The following HORMAD2 variants were observed in gnomAD, a reference collection of about 807,000 sequenced individuals.
The protein encoded by HORMAD2 is HORMA domain containing 2.
Under a neutral mutation model 38.8 loss-of-function variants are expected in HORMAD2, and 45 were observed. That is an observed-to-expected ratio of 1.16 (90% CI 0.91 to 1.49). The LOEUF is 1.49. Ranked by LOEUF, HORMAD2 falls within the 40% of genes most tolerant of loss-of-function variation. The probability of loss-of-function intolerance (pLI) is 0.00; values close to 1 mark genes in which losing one functional copy is unlikely to be tolerated. For missense variants in HORMAD2, 338 were observed against 367.0 expected (o/e 0.92, Z 0.65); for synonymous variants, 126 against 122.8 (o/e 1.03, Z -0.17).
At chr22:30,158,714 T>G (rs1925262865) in intron 10 of HORMAD2, among the ~76,000 whole-genome samples, 1 of 149,804 alleles carries the variant, frequency 6.7e-6, no homozygotes, top group Non-Finnish European at 1.5e-5. Context: ...TCCAGGGTCT[T>G]GCTCTGTCAC....
intron 10 of HORMAD2, among the ~76,000 whole-genome samples, chr22:30,158,583 C>CTCCTTCCTTCCT (rs575261621): frequency 7.3e-5 from 6 of 81,692 alleles, no homozygotes; most frequent in African/African-American, 1.7e-4. Context: ...CCTTCCCCTT[C>CTCCTTCCTTCCT]TCCTTCCTTC....
At chr22:30,165,621 T>C (rs1490808595) in intron 10 of HORMAD2, among the ~76,000 whole-genome samples, 1 of 152,092 alleles carries the variant, frequency 6.6e-6, no homozygotes, top group African/African-American at 2.4e-5. Flanking sequence ...TTATAAATAA[T>C]TTTTTTCTAT....
intron 10 of HORMAD2, among the ~76,000 whole-genome samples, chr22:30,156,596 G>A (rs1462304382): frequency 6.6e-6 from 1 of 152,220 alleles, no homozygotes; most frequent in East Asian, 1.9e-4. Flanking sequence ...TCTGATGCCT[G>A]ACGCCCTTGG....
At chr22:30,116,889 G>T (rs1252830831) in intron 7 of HORMAD2, among the ~76,000 whole-genome samples, 2 of 152,180 alleles carry the variant, frequency 1.3e-5, no homozygotes. Context: ...AATGAGCATT[G>T]TTTGCTTGGC....
At chr22:30,202,733 C>G in the HORMAD2 span, among the ~76,000 whole-genome samples, 1 of 152,220 alleles carries the variant, frequency 6.6e-6, no homozygotes, top group Non-Finnish European at 1.5e-5. Context: ...AGCCCAGGCC[C>G]TAGGTGTTTC....
chr22:30,082,532 T>C (rs2068500573), intron 1 of HORMAD2, among the ~76,000 whole-genome samples: 1 of 151,976 alleles, frequency 6.6e-6, no homozygotes, highest in East Asian at 1.9e-4. Context: ...GTCTCATATG[T>C]GTAATCCCAA....
At chr22:30,099,126 C>G in intron 3 of HORMAD2, 133 bp downstream of exon 3, 1 of 666,096 alleles carries the variant, frequency 1.5e-6, no homozygotes, top group Non-Finnish European at 2.3e-6. Flanking sequence ...ATTTGCTAAT[C>G]CATTTTCCAT....
upstream of HORMAD2, among the ~76,000 whole-genome samples, chr22:30,078,908 C>T (rs1239295548): frequency 2.0e-5 from 3 of 150,610 alleles, no homozygotes; most frequent in African/African-American, 4.9e-5. Context: ...CAGTTACTTC[C>T]GGAAAGTATA....
At chr22:30,203,994 T>A in the HORMAD2 span, among the ~76,000 whole-genome samples, 1 of 152,098 alleles carries the variant, frequency 6.6e-6, no homozygotes, top group South Asian at 2.1e-4. Flanking sequence ...CACACACACA[T>A]GTGCATCCTC....
downstream of HORMAD2, among the ~76,000 whole-genome samples, chr22:30,181,000 ACCTAC>A (rs1227922173): frequency 6.1e-5 from 6 of 98,580 alleles, no homozygotes; most frequent in Admixed American, 2.5e-4. Context: ...TCCTCCCCTA[ACCTAC>A]CCTACCCTAC....
intron 6 of HORMAD2, 132 bp from the exon 7 acceptor site, chr22:30,112,364 A>G (rs1921728065): frequency 5.0e-6 from 3 of 596,238 alleles, no homozygotes; most frequent in Admixed American, 3.7e-5. Context: ...AGCATATCCT[A>G]TCTCTAGCTT....
chr22:30,189,331 G>A, the HORMAD2 span, among the ~76,000 whole-genome samples: 1 of 152,006 alleles, frequency 6.6e-6, no homozygotes, highest in African/African-American at 2.4e-5. Context: ...CTCCTTCAAG[G>A]AAGGATCTGG....
chr22:30,147,778 T>TA (rs1882951736), intron 10 of HORMAD2, among the ~76,000 whole-genome samples: 1 of 152,184 alleles, frequency 6.6e-6, no homozygotes, highest in African/African-American at 2.4e-5. Flanking sequence ...ACTCCATTTT[T>TA]AAAAATATCA....
At position 30,176,906 on chromosome 22, in the gene HORMAD2, A is replaced by G. The variant is rs995871332; in HGVS notation, c.*739A>G. 1 of 152,764 alleles carries G rather than the reference A, an allele frequency of 6.5e-6. No homozygotes were observed. Among genetic ancestry groups the G allele is most frequent in the Non-Finnish European group, 1.5e-5 (1 of 68,036 alleles). The allele number at this position is 152,764 out of a possible 1,614,324, so 9.5% of individuals were successfully genotyped here. ...AGAATTTGGATAGACTTAATTGATG[A>G]TTAGTATGAGATGAACAATAGATGA... On this transcript the variant is annotated 3_prime_UTR_variant, in exon 11 of 11. Coordinates refer to ENST00000336726, the MANE Select transcript of HORMAD2 (RefSeq NM_152510.4).
At chr22:30,144,635 G>A (rs80050762) in intron 10 of HORMAD2, among the ~76,000 whole-genome samples, 3 of 151,884 alleles carry the variant, frequency 2.0e-5, no homozygotes, top group Non-Finnish European at 4.4e-5. Flanking sequence ...AGTGGAGGGG[G>A]GACAGTAGAC....
At chr22:30,099,280 G>A (rs1457628023) in intron 3 of HORMAD2, among the ~76,000 whole-genome samples, 1 of 152,216 alleles carries the variant, frequency 6.6e-6, no homozygotes, top group African/African-American at 2.4e-5. Flanking sequence ...TTTGAATGCT[G>A]TAGATTTGCG....
At chr22:30,180,633 G>A (rs1430881189), downstream of HORMAD2, among the ~76,000 whole-genome samples, 1 of 152,174 alleles carries the variant, frequency 6.6e-6, no homozygotes, top group Non-Finnish European at 1.5e-5. Context: ...TCATACTTTT[G>A]TGAGATTTAA....
intron 7 of HORMAD2, among the ~76,000 whole-genome samples, chr22:30,115,853 C>A (rs1338155421): frequency 1.3e-5 from 2 of 151,998 alleles, no homozygotes; most frequent in Admixed American, 6.6e-5. Context: ...AGGAGGCATC[C>A]CTGAGAGGCT....
chr22:30,202,020 T>C, the HORMAD2 span, among the ~76,000 whole-genome samples: 1 of 152,158 alleles, frequency 6.6e-6, no homozygotes, highest in Non-Finnish European at 1.5e-5. Context: ...TGGAGGGAAG[T>C]AGATTTTGGC....
Sources: allele counts gnomAD v4.1 joint callset (sites outside exome capture counted in the v4.1 genomes callset), GRCh38; gene constraint gnomAD v4.1.1; transcripts MANE v1.5; gene names NCBI Gene and HGNC (gene_info 2026-07-23, HGNC 2026-07-21).